Variants in RYR2 observed in about 807,000 individuals in gnomAD.
RYR2 encodes cardiac muscle ryanodine receptor-calcium release channel.
RYR2 carries 227 observed loss-of-function variants against 601.1 expected under a neutral mutation model. That is an observed-to-expected ratio of 0.38 (90% CI 0.34 to 0.42). The LOEUF (loss-of-function observed/expected upper bound fraction) is 0.42, where lower values mean the gene tolerates loss of function less well. RYR2 is among the 10% of genes least tolerant of loss of function. The pLI is 1.00. For missense variants in RYR2, 4,646 were observed against 6,156.5 expected, an observed-to-expected ratio of 0.75 and a Z score of 8.21; for synonymous variants, 2,223 against 2,175.1, an observed-to-expected ratio of 1.02 and a Z score of -0.61.
chr1:237,737,961 A>G (rs1057104290), intron 79 of RYR2, among the ~76,000 whole-genome samples: 15 of 152,178 alleles, frequency 9.9e-5, no homozygotes, highest in Admixed American at 9.2e-4. Context: ...ACTATTGTTG[A>G]TTATTAATAT....
intron 2 of RYR2, among the ~76,000 whole-genome samples, chr1:237,293,314 C>T (rs1692431281): frequency 6.6e-6 from 1 of 152,186 alleles, no homozygotes; most frequent in African/African-American, 2.4e-5. Context: ...TCAAGCGATT[C>T]TCATGTCTCA....
chr1:237,088,409 C>T (rs958346778), intron 1 of RYR2, among the ~76,000 whole-genome samples: 7 of 152,166 alleles, frequency 4.6e-5, no homozygotes, highest in African/African-American at 1.7e-4. Flanking sequence ...AAGACTAAAC[C>T]ATATTTACAA....
At chr1:237,374,016 A>G (rs905898348) in intron 6 of RYR2, among the ~76,000 whole-genome samples, 1 of 152,228 alleles carries the variant, frequency 6.6e-6, no homozygotes, top group Non-Finnish European at 1.5e-5. Context: ...TCCTGTACTG[A>G]CAGAGAACAT....
chr1:237,464,150 C>A (rs1189200538), intron 16 of RYR2, among the ~76,000 whole-genome samples: 2 of 152,140 alleles, frequency 1.3e-5, no homozygotes, highest in Non-Finnish European at 2.9e-5. Flanking sequence ...CCTATTCCCT[C>A]CTCTCCTTGA....
chr1:237,800,376 TGATAATAAAATTAATTATAGTTCAAA>T (rs1418451409), intron 97 of RYR2, among the ~76,000 whole-genome samples: 1 of 152,040 alleles, frequency 6.6e-6, no homozygotes, highest in Non-Finnish European at 1.5e-5. Context: ...AAGGCTCCTG[TGATAATAAAATTAATTATAGTTCAAA>T]GATAACTTTA....
At chr1:237,327,518 G>A (rs1696282168) in intron 2 of RYR2, among the ~76,000 whole-genome samples, 1 of 152,164 alleles carries the variant, frequency 6.6e-6, no homozygotes, top group Admixed American at 6.5e-5. Context: ...AGAATATGAA[G>A]TTTTAAATGT....
intron 2 of RYR2, among the ~76,000 whole-genome samples, chr1:237,301,369 G>C (rs1693334229): frequency 6.6e-6 from 1 of 151,954 alleles, no homozygotes; most frequent in African/African-American, 2.4e-5. Context: ...CTTTTTTTAA[G>C]AAAGATAAAA....
chr1:237,135,816 C>G (rs1320644725), intron 1 of RYR2, among the ~76,000 whole-genome samples: 2 of 152,356 alleles, frequency 1.3e-5, no homozygotes, highest in East Asian at 3.9e-4. Flanking sequence ...TCTAGAGAAT[C>G]TTTCCTATGC....
At position 237,648,508 on chromosome 1, in the gene RYR2, T is replaced by C. The variant is rs1682398500; in HGVS notation, c.7407T>C (p.Val2469=). 10 of 1,611,320 alleles carry C rather than the reference T, an allele frequency of 6.2e-6. No individual in the cohort carries two copies. Among genetic ancestry groups the C allele is most frequent in the Non-Finnish European group, 8.5e-6 (10 of 1,178,672 alleles). The part of the protein sequence containing the change: ...GFCPDHKAAM[V]LFLDRVYGIE... ...GCCCAGATCACAAGGCAGCCATGGT[T>C]TTATTCCTTGACAGGGTCTATGGGA... Residue 2469 remains valine (V), a synonymous_variant, in exon 49 of 105, where the codon GTT becomes GTC. Coordinates refer to ENST00000366574, the MANE Select transcript of RYR2 (RefSeq NM_001035.3).
chr1:237,555,903 T>C (rs946163232), intron 27 of RYR2, among the ~76,000 whole-genome samples: 1 of 152,264 alleles, frequency 6.6e-6, no homozygotes, highest in South Asian at 2.1e-4. Flanking sequence ...GAAATATGCA[T>C]TGCAATGCCA....
chr1:237,827,177 G>A (rs1174520817), intron 101 of RYR2, among the ~76,000 whole-genome samples: 1 of 152,176 alleles, frequency 6.6e-6, no homozygotes, highest in Non-Finnish European at 1.5e-5. Flanking sequence ...CTTATTGAGT[G>A]TAAAAATAAC....
At chr1:237,626,445 G>T (rs986023338) in intron 40 of RYR2, among the ~76,000 whole-genome samples, 2 of 151,646 alleles carry the variant, frequency 1.3e-5, no homozygotes, top group African/African-American at 2.4e-5. Context: ...ACTTTTTTTT[G>T]ACTTACAACA....
At chr1:237,495,011 G>A (rs559336555) in intron 19 of RYR2, among the ~76,000 whole-genome samples, 42 of 152,140 alleles carry the variant, frequency 2.8e-4, no homozygotes, top group South Asian at 1.2e-3. Context: ...GCCTGGTCTC[G>A]AACTCCTGAC....
At chr1:237,683,095 T>A (rs976291585) in intron 62 of RYR2, among the ~76,000 whole-genome samples, 1 of 152,206 alleles carries the variant, frequency 6.6e-6, no homozygotes, top group Non-Finnish European at 1.5e-5. Context: ...TTAATTTGTA[T>A]GTATAGAAAA....
chr1:237,438,295 G>C (rs116189895), intron 12 of RYR2, among the ~76,000 whole-genome samples: 1 of 152,114 alleles, frequency 6.6e-6, no homozygotes, highest in African/African-American at 2.4e-5. Flanking sequence ...GCATTGATTT[G>C]TATTGCCTAT....
At chr1:237,480,104 A>C (rs1661868841) in intron 17 of RYR2, among the ~76,000 whole-genome samples, 1 of 152,092 alleles carries the variant, frequency 6.6e-6, no homozygotes, top group Non-Finnish European at 1.5e-5. Flanking sequence ...GAAAACCAGA[A>C]CCATGATTGT....
At chr1:237,095,737 G>A (rs185240194) in intron 1 of RYR2, among the ~76,000 whole-genome samples, 1 of 152,318 alleles carries the variant, frequency 6.6e-6, no homozygotes, top group East Asian at 1.9e-4. Flanking sequence ...ATGCAAAGGA[G>A]ACCTCTCAGA....
At chr1:237,591,044 TA>T in intron 31 of RYR2, 52 bp downstream of exon 31, 1 of 1,510,888 alleles carries the variant, frequency 6.6e-7, no homozygotes, top group Non-Finnish European at 8.9e-7. Flanking sequence ...TGAGGAAGGT[TA>T]CAGTCCAGAG....
rs555041641 is a variant in RYR2, at chr1:237,398,112, G to A, written c.773+9929G>A. On this transcript the variant is annotated intron_variant, in intron 10 of 104. Transcript: ENST00000366574. ...GAATGCCGGCCAGTCATTGTGTCTA[G>A]ACTCCAAAAGGAAGGGAGATAATGA... 1.1e-4 allele frequency among the ~76,000 whole-genome samples: 17 copies of A among 152,232 alleles called. No individual in the cohort carries two copies. In the South Asian group the frequency reaches 3.5e-3, roughly 32 times the overall value.
Sources: allele counts gnomAD v4.1 joint callset (sites outside exome capture counted in the v4.1 genomes callset), GRCh38; gene constraint gnomAD v4.1.1; transcripts MANE v1.5; gene names NCBI Gene and HGNC (gene_info 2026-07-23, HGNC 2026-07-21).